The following TBC1D22A variants were observed in gnomAD, a reference collection of about 807,000 sequenced individuals.
TBC1D22A encodes the protein putative GTPase activator.
TBC1D22A carries 38 observed loss-of-function variants against 60.2 expected under a neutral mutation model. The ratio of observed to expected loss-of-function variants is 0.63; its 90% CI spans 0.49 to 0.83. The LOEUF (loss-of-function observed/expected upper bound fraction) is 0.83. TBC1D22A is among the 40% of genes least tolerant of loss of function. The pLI, the probability that TBC1D22A is intolerant of heterozygous loss-of-function variation, is 0.00. For synonymous variants in TBC1D22A, 302 were observed against 281.7 expected (o/e 1.07, Z -0.72); for missense variants, 628 against 701.0 (o/e 0.90, Z 1.18).
At chr22:46,955,760 G>A (rs1006654728) in intron 8 of TBC1D22A, among the ~76,000 whole-genome samples, 1 of 152,168 alleles carries the variant, frequency 6.6e-6, no homozygotes, top group African/African-American at 2.4e-5. Context: ...CTTCAGGTGA[G>A]GTGAAGTTGA....
At chr22:47,160,592 C>A (rs553771523) in intron 12 of TBC1D22A, among the ~76,000 whole-genome samples, 11 of 152,362 alleles carry the variant, frequency 7.2e-5, no homozygotes, top group African/African-American at 2.4e-4. Flanking sequence ...CACCCCGGAC[C>A]ACATGCTGGA....
In TBC1D22A at chr22:47,139,674, C is replaced by A. The variant is rs372747499; in HGVS notation, c.1425+28071C>A. Among the ~76,000 whole-genome samples, 800 of 152,318 alleles carry A rather than the reference C, an allele frequency of 5.3e-3. 11 individuals are homozygous for A. The highest frequency in any genetic ancestry group is 0.018 in the African/African-American group (766 of 41,576). ...CACCTTCCAAGCCCCCTGCTTCCAG[C>A]CACTTAGGAGGAGGCGCGGTGTCCT... On this transcript the variant is annotated intron_variant, in intron 12 of 12. Coordinates refer to ENST00000337137, the MANE Select transcript of TBC1D22A (RefSeq NM_014346.5).
At chr22:47,119,845 G>T (rs898083803) in intron 12 of TBC1D22A, among the ~76,000 whole-genome samples, 2 of 152,124 alleles carry the variant, frequency 1.3e-5, no homozygotes, top group Admixed American at 1.3e-4. Flanking sequence ...CTGTTCTGGA[G>T]ACTGGAAGTT....
At chr22:46,808,889 C>T (rs909795247) in intron 4 of TBC1D22A, among the ~76,000 whole-genome samples, 9 of 152,228 alleles carry the variant, frequency 5.9e-5, no homozygotes, top group African/African-American at 9.6e-5. Context: ...CCACCGTGCC[C>T]GGCCTTCGCC....
chr22:47,087,963 C>G (rs2064767716), intron 11 of TBC1D22A, among the ~76,000 whole-genome samples: 1 of 152,024 alleles, frequency 6.6e-6, no homozygotes, highest in African/African-American at 2.4e-5. Flanking sequence ...GTTCCAGCTA[C>G]TTGGGAGGCT....
At chr22:47,017,288 G>A (rs749962034) in intron 10 of TBC1D22A, among the ~76,000 whole-genome samples, 6 of 152,156 alleles carry the variant, frequency 3.9e-5, no homozygotes, top group Non-Finnish European at 7.4e-5. Context: ...CTAAGGAGAC[G>A]GTCCATGCAG....
intron 1 of TBC1D22A, among the ~76,000 whole-genome samples, chr22:46,782,146 C>G (rs1301221025): frequency 6.6e-6 from 1 of 152,232 alleles, no homozygotes; most frequent in Non-Finnish European, 1.5e-5. Flanking sequence ...CCTCCGCCTC[C>G]TGGGTTCAAG....
chr22:47,127,805 G>A (rs538718401), intron 12 of TBC1D22A, among the ~76,000 whole-genome samples: 11 of 151,892 alleles, frequency 7.2e-5, no homozygotes, highest in Non-Finnish European at 1.2e-4. Flanking sequence ...TGCTCTTGGC[G>A]CCTGCTTTTG....
At chr22:46,873,114 C>G (rs2067369174) in intron 4 of TBC1D22A, among the ~76,000 whole-genome samples, 1 of 152,064 alleles carries the variant, frequency 6.6e-6, no homozygotes, top group African/African-American at 2.4e-5. Flanking sequence ...AAAAAAGTAA[C>G]CGGTATGCAA....
chr22:46,946,399 C>G lies in TBC1D22A; in HGVS notation c.1016-27891C>G, dbSNP rs112699509. 2.0e-3 allele frequency among the ~76,000 whole-genome samples: 299 copies of G among 152,332 alleles called. 1 individual carries two copies. Among genetic ancestry groups the G allele is most frequent in the African/African-American group, 6.9e-3 (286 of 41,570 alleles). On this transcript the variant is annotated intron_variant, in intron 8 of 12. Transcript: ENST00000337137. ...CAGAGGCCTTGGTGCTCCCTGCTCCCCCTTGTTCCTTCAGGAGGCTGGTGA... is the reference window on the plus strand; with the variant it reads ...CAGAGGCCTTGGTGCTCCCTGCTCCGCCTTGTTCCTTCAGGAGGCTGGTGA...
At chr22:47,091,925 T>G (rs2064992761) in intron 11 of TBC1D22A, among the ~76,000 whole-genome samples, 1 of 152,250 alleles carries the variant, frequency 6.6e-6, no homozygotes, top group Non-Finnish European at 1.5e-5. Context: ...TATGGTGATA[T>G]GCACTCAGTG....
chr22:46,932,580 TCTC>T (rs998611352), intron 8 of TBC1D22A, among the ~76,000 whole-genome samples: 2 of 152,044 alleles, frequency 1.3e-5, no homozygotes, highest in African/African-American at 4.8e-5. Context: ...CCCCGTGTCT[TCTC>T]CTCCCCATGG....
At chr22:47,171,279 C>G (rs552418164) in intron 12 of TBC1D22A, among the ~76,000 whole-genome samples, 1 of 152,216 alleles carries the variant, frequency 6.6e-6, no homozygotes, top group Non-Finnish European at 1.5e-5. Flanking sequence ...ATGGGCATCC[C>G]GAGCCTGTGG....
chr22:46,780,104 A>G (rs1452534817), intron 1 of TBC1D22A, among the ~76,000 whole-genome samples: 1 of 152,226 alleles, frequency 6.6e-6, no homozygotes, highest in Non-Finnish European at 1.5e-5. Context: ...TCTGGGGAGT[A>G]TCACCATGTG....
chr22:46,954,291 A>G (rs1220947493), intron 8 of TBC1D22A, among the ~76,000 whole-genome samples: 1 of 152,196 alleles, frequency 6.6e-6, no homozygotes. Flanking sequence ...AATAGGTGAG[A>G]GCTGCTGTTT....
At chr22:46,781,605 A>G (rs1284066053) in intron 1 of TBC1D22A, among the ~76,000 whole-genome samples, 1 of 152,138 alleles carries the variant, frequency 6.6e-6, no homozygotes, top group Non-Finnish European at 1.5e-5. Context: ...TTTGGCCACA[A>G]TTCTGAGGGC....
At chr22:46,817,377 CT>C (rs1412792200) in intron 4 of TBC1D22A, among the ~76,000 whole-genome samples, 1 of 152,038 alleles carries the variant, frequency 6.6e-6, no homozygotes, top group Non-Finnish European at 1.5e-5. Flanking sequence ...GACCTGTCAC[CT>C]GTTGACCTGT....
Position 46,777,621 on chromosome 22 carries a change from A to G in TBC1D22A, c.62+14773A>G, listed in dbSNP as rs2083759106. ...GGGAACACACAGAAGAGTCTGGGGC[A>G]TGCAGAGAGGCTGGCAGGAGGCAGA... On this transcript the variant is annotated intron_variant, in intron 1 of 12. Transcript: ENST00000337137. This position sits in a 1 kb window ranked among gnomAD's most constrained non-coding sequence, Gnocchi z 4.5. Among the ~76,000 whole-genome samples, 2 of 152,178 alleles carry G rather than the reference A, an allele frequency of 1.3e-5. No homozygotes were observed. The highest frequency in any genetic ancestry group is 4.8e-5 in the African/African-American group (2 of 41,444).
intron 1 of TBC1D22A, among the ~76,000 whole-genome samples, chr22:46,766,351 G>A (rs2083287290): frequency 1.3e-5 from 2 of 151,622 alleles, no homozygotes; most frequent in South Asian, 4.2e-4. Context: ...GGCTGGTCTT[G>A]AACTCCTGAT....
Sources: allele counts gnomAD v4.1 joint callset (sites outside exome capture counted in the v4.1 genomes callset), GRCh38; gene constraint gnomAD v4.1.1; non-coding constraint Gnocchi (gnomAD v3.1); transcripts MANE v1.5; gene names NCBI Gene and HGNC (gene_info 2026-07-23, HGNC 2026-07-21).